The following SUMF1 variants were observed in gnomAD, a reference collection of about 807,000 sequenced individuals.
SUMF1 encodes sulfatase modifying factor 1.
Under a neutral mutation model 47.6 loss-of-function variants are expected in SUMF1, and 48 were observed. The ratio of observed to expected loss-of-function variants is 1.01; its 90% CI spans 0.80 to 1.28. The LOEUF (loss-of-function observed/expected upper bound fraction) is 1.28, where lower values mean the gene tolerates loss of function less well. Ranked by LOEUF, SUMF1 falls within the 50% of genes most tolerant of loss-of-function variation. The probability of loss-of-function intolerance (pLI) is 0.00; values close to 1 mark genes in which losing one functional copy is unlikely to be tolerated. For synonymous variants in SUMF1, 230 were observed against 192.1 expected (o/e 1.20, Z -1.63); for missense variants, 571 against 485.4 (o/e 1.18, Z -1.66).
chr3:4,146,959 C>G (rs1694208667), intron 8 of SUMF1, among the ~76,000 whole-genome samples: 2 of 152,032 alleles, frequency 1.3e-5, no homozygotes, highest in African/African-American at 4.8e-5. Context: ...GGCTTGGTTC[C>G]AAGTCTTTGC....
intron 8 of SUMF1, among the ~76,000 whole-genome samples, chr3:4,118,526 A>C (rs1346720768): frequency 1.3e-5 from 2 of 152,142 alleles, no homozygotes; most frequent in Non-Finnish European, 2.9e-5. Flanking sequence ...AATATTTTAA[A>C]TGTGTACCTA....
intron 9 of SUMF1, among the ~76,000 whole-genome samples, chr3:4,037,566 C>T (rs317584): frequency 0.98 from 149,931 of 152,282 alleles, 73,850 homozygotes; most frequent in Middle Eastern, 1. Flanking sequence ...CATTTTTTTG[C>T]GATTCTTAGT....
rs151120160 is a variant in SUMF1 at position 4,361,162 on chromosome 3, C to A, written c.*982G>T. On this transcript the variant is annotated 3_prime_UTR_variant, in exon 9 of 9. Coordinates refer to ENST00000272902, the MANE Select transcript of SUMF1 (RefSeq NM_182760.4). ...ACGGTGAAGCCTGATTTAGCAGATA[C>A]GTTTATTCAACACAGTGCATGATTC... 1 of 152,342 alleles carries A rather than the reference C, an allele frequency of 6.6e-6. No homozygotes were observed. The highest frequency in any genetic ancestry group is 1.5e-5 in the Non-Finnish European group (1 of 68,032). 9.4% of individuals were successfully genotyped at this position (152,342 alleles called of 1,614,324 possible). A position where few individuals can be genotyped will look rare whatever the true frequency, so the allele number is the denominator to read the frequency against.
chr3:4,064,718 G>A (rs1276558455), intron 9 of SUMF1, among the ~76,000 whole-genome samples: 1 of 152,300 alleles, frequency 6.6e-6, no homozygotes, highest in African/African-American at 2.4e-5. Flanking sequence ...AGAGGTTACA[G>A]TGGGGAACTC....
rs188622841 is a variant in SUMF1, at chr3:4,390,203, T to C, written c.955-13814A>G. On this transcript the variant is annotated intron_variant, in intron 7 of 8. Coordinates refer to ENST00000272902, the MANE Select transcript of SUMF1 (RefSeq NM_182760.4). ...TTCCTTGCTCAGCCTCTATTAACGATTCAGAAGGGACCCCTCATTACTACT... is the reference window on the plus strand; with the variant it reads ...TTCCTTGCTCAGCCTCTATTAACGACTCAGAAGGGACCCCTCATTACTACT... 2.6e-5 allele frequency among the ~76,000 whole-genome samples: 4 copies of C among 152,244 alleles called. No homozygotes were observed. In the East Asian group the frequency reaches 7.7e-4, roughly 29 times the overall value.
In SUMF1 at chr3:4,055,400, T is replaced by A. The variant is rs538024615; in HGVS notation, c.1191+13169A>T. ...TATTTACATATACCAGGTATATTAG[T>A]TTTCTAGGGCTGTGGTAACAATTCC... On this transcript the variant is annotated intron_variant and NMD_transcript_variant, in intron 9 of 12. Coordinates refer to the SUMF1 transcript ENST00000448413. Among the ~76,000 whole-genome samples, 159 of 152,294 alleles carry A rather than the reference T, an allele frequency of 1.0e-3. 1 individual carries two copies. The highest frequency in any genetic ancestry group is 3.5e-3 in the South Asian group (17 of 4,826).
intron 8 of SUMF1, among the ~76,000 whole-genome samples, chr3:4,253,259 C>T (rs552964244): frequency 3.9e-5 from 6 of 152,248 alleles, no homozygotes; most frequent in Admixed American, 1.3e-4. Flanking sequence ...GGGGGAGGAG[C>T]CAAGATGGCC....
chr3:4,059,524 C>T (rs1444859323), intron 9 of SUMF1, among the ~76,000 whole-genome samples: 1 of 152,126 alleles, frequency 6.6e-6, no homozygotes, highest in Non-Finnish European at 1.5e-5. Context: ...TCTCTTAAAC[C>T]TCTACAGCTG....
chr3:4,261,960 G>A (rs1336884416), intron 8 of SUMF1, among the ~76,000 whole-genome samples: 1 of 152,096 alleles, frequency 6.6e-6, no homozygotes, highest in Non-Finnish European at 1.5e-5. Context: ...ATTTCACTAA[G>A]AAATAAATAT....
chr3:4,374,396 G>A (rs930622930), intron 8 of SUMF1, among the ~76,000 whole-genome samples: 1 of 152,138 alleles, frequency 6.6e-6, no homozygotes, highest in Admixed American at 6.6e-5. Context: ...AAGTATGTAG[G>A]AGTTTAAAAG....
intron 9 of SUMF1, among the ~76,000 whole-genome samples, chr3:4,047,713 G>GGAGGAGGAGGAGGAGGTC (rs543849635): frequency 3.7e-4 from 56 of 152,178 alleles, no homozygotes; most frequent in African/African-American, 1.3e-3. Context: ...AATACTCAAA[G>GGAGGAGGAGGAGGAGGTC]GAGACAGTAA....
chr3:4,326,552 C>T (rs909862888), intron 8 of SUMF1, among the ~76,000 whole-genome samples: 1 of 112,154 alleles, frequency 8.9e-6, no homozygotes, highest in East Asian at 2.1e-4. Context: ...GATCCTCACT[C>T]TGTTGCCCAG....
chr3:4,316,301 C>T, intron 8 of SUMF1: 3 of 1,097,272 alleles, frequency 2.7e-6, no homozygotes, highest in South Asian at 2.7e-5. Flanking sequence ...AAACAACTCG[C>T]AACATCAACA....
At chr3:4,287,216 C>T (rs1697650038) in intron 8 of SUMF1, among the ~76,000 whole-genome samples, 1 of 151,984 alleles carries the variant, frequency 6.6e-6, no homozygotes, top group African/African-American at 2.4e-5. Context: ...TCAGGGGGTC[C>T]TCAACTATTG....
In SUMF1 at chr3:4,274,061, T is replaced by C. The variant is rs371690223; in HGVS notation, c.1014+102269A>G. ...TAAACAGGGCCCATAAACAGTATGATAGTTACCTCCCTAAAGCAGCTGGTA... is the reference window on the plus strand; with the variant it reads ...TAAACAGGGCCCATAAACAGTATGACAGTTACCTCCCTAAAGCAGCTGGTA... On this transcript the variant is annotated intron_variant and NMD_transcript_variant, in intron 8 of 12. Coordinates refer to the SUMF1 transcript ENST00000448413. Among the ~76,000 whole-genome samples, 29 of 152,142 alleles carry C rather than the reference T, an allele frequency of 1.9e-4. 1 individual carries two copies. In the East Asian group the frequency reaches 2.1e-3, roughly 11 times the overall value.
At chr3:4,167,347 C>A (rs556158511) in intron 8 of SUMF1, among the ~76,000 whole-genome samples, 34 of 152,234 alleles carry the variant, frequency 2.2e-4, no homozygotes, top group East Asian at 5.8e-4. Flanking sequence ...ATCAGAATGC[C>A]TTTTTTCCAA....
At chr3:4,240,936 C>T (rs1272939286) in intron 8 of SUMF1, among the ~76,000 whole-genome samples, 1 of 151,868 alleles carries the variant, frequency 6.6e-6, no homozygotes, top group African/African-American at 2.4e-5. Context: ...TGACAAATGA[C>T]ATATTTTTCA....
chr3:4,297,586 G>C (rs944574414), intron 8 of SUMF1, among the ~76,000 whole-genome samples: 4 of 32,460 alleles, frequency 1.2e-4, no homozygotes, highest in African/African-American at 3.9e-4. Flanking sequence ...TTTTTTTTTT[G>C]AGATGGAGTC....
intron 8 of SUMF1, among the ~76,000 whole-genome samples, chr3:4,076,507 G>C (rs1411810047): frequency 6.6e-6 from 1 of 152,030 alleles, no homozygotes; most frequent in African/African-American, 2.4e-5. Context: ...ATCTAATTAA[G>C]TTAAAGAGCT....
Sources: gnomAD v4.1 joint callset for allele counts (sites outside exome capture counted in the v4.1 genomes callset) on GRCh38, gnomAD v4.1.1 for gene constraint, MANE v1.5 for transcripts, NCBI Gene and HGNC (gene_info 2026-07-23, HGNC 2026-07-21) for gene names.